The following GLIS1 variants were observed in gnomAD, a reference collection of about 807,000 sequenced individuals.
GLIS1 encodes the protein zinc finger protein GLIS1.
In GLIS1, 24 loss-of-function variants were observed where a neutral mutation model predicts 63.8. The ratio of observed to expected loss-of-function variants is 0.38; its 90% confidence interval spans 0.27 to 0.53. GLIS1 has a LOEUF of 0.53. GLIS1 is among the 20% of genes least tolerant of loss of function. The probability of loss-of-function intolerance (pLI) is 0.85; values close to 1 mark genes in which losing one functional copy is unlikely to be tolerated. For missense variants in GLIS1, 1,036 were observed against 1,074.1 expected, an observed-to-expected ratio of 0.96 and a Z score of 0.50; for synonymous variants, 450 against 482.5, an observed-to-expected ratio of 0.93 and a Z score of 0.88.
At chr1:53,620,326 T>A (rs927791932) in intron 2 of GLIS1, among the ~76,000 whole-genome samples, 4 of 152,208 alleles carry the variant, frequency 2.6e-5, no homozygotes, top group Non-Finnish European at 5.9e-5. Context: ...CATCGCAGTG[T>A]ACCACCTTGA....
chr1:53,608,838 A>G (rs1168032964), intron 2 of GLIS1, among the ~76,000 whole-genome samples: 1 of 152,204 alleles, frequency 6.6e-6, no homozygotes, highest in Non-Finnish European at 1.5e-5. Flanking sequence ...AGAGAGAGAC[A>G]TGTAAGGCAA....
At chr1:53,565,491 T>A (rs866587977) in intron 4 of GLIS1, among the ~76,000 whole-genome samples, 8 of 151,890 alleles carry the variant, frequency 5.3e-5, no homozygotes, top group African/African-American at 9.6e-5. Context: ...TAATTTTTTT[T>A]AAAAAAGAAG....
rs1247022268 is a variant in GLIS1, at chr1:53,509,139, G to A, written c.2211C>T (p.Ser737=). ...PLRPNGYHSL[S]TPLPATGYEA... is the part of the protein sequence containing the mutation. ...GCTCACCTGTGGCAGGCAAGGGCGT[G>A]CTGAGGCTGTGGTAGCCATTGGGCC... Residue 737 remains serine, a synonymous_variant, in exon 10 of 11, where the codon AGC becomes AGT. Coordinates refer to ENST00000628545, the MANE Select transcript of GLIS1 (RefSeq NM_001367484.1). 1 of 1,587,814 alleles carries A rather than the reference G, an allele frequency of 6.3e-7. No homozygotes were observed. Among genetic ancestry groups the A allele is most frequent in the Non-Finnish European group, 8.6e-7 (1 of 1,165,798 alleles).
At chr1:53,556,544 T>TGTGTGCAGGTGTACTGCAGGTGTGC (rs1644830986) in intron 4 of GLIS1, among the ~76,000 whole-genome samples, 1 of 132,928 alleles carries the variant, frequency 7.5e-6, no homozygotes, top group Non-Finnish European at 1.6e-5. Context: ...TGCAGGTGTG[T>TGTGTGCAGGTGTACTGCAGGTGTGC]GTGTGTGCAG....
chr1:53,565,057 T>C (rs374658034), intron 4 of GLIS1, among the ~76,000 whole-genome samples: 3 of 152,124 alleles, frequency 2.0e-5, no homozygotes, highest in East Asian at 3.9e-4. Context: ...GTTCTCCAAT[T>C]ACAGTAAAAT....
intron 4 of GLIS1, among the ~76,000 whole-genome samples, chr1:53,562,558 A>T (rs756715498): frequency 6.6e-6 from 1 of 152,108 alleles, no homozygotes; most frequent in Non-Finnish European, 1.5e-5. Flanking sequence ...TCAGAGCTGC[A>T]ACCCCACCCT....
chr1:53,607,049 G>A (rs746096755), intron 2 of GLIS1, among the ~76,000 whole-genome samples: 7 of 152,154 alleles, frequency 4.6e-5, no homozygotes, highest in Non-Finnish European at 8.8e-5. Context: ...ACAGCCAGGG[G>A]CCAGCTTTTC....
chr1:53,648,265 A>G (rs1433148328), intron 2 of GLIS1, among the ~76,000 whole-genome samples: 1 of 152,218 alleles, frequency 6.6e-6, no homozygotes, highest in Non-Finnish European at 1.5e-5. Flanking sequence ...ATGATGCTCA[A>G]CATCATTAAT....
At position 53,594,484 on chromosome 1, in the gene GLIS1, C is replaced by T. The variant is rs1557469875; in HGVS notation, c.944G>A (p.Arg315Gln). ...TTCCTGCTTCAGGAAGCTCGCCTTC[C>T]GGCAGGCTTCAAGTTGCAAGCTGCC... ...HEGSLQLEAC[R>Q]KASFLKQEPA... is the part of the protein sequence containing the mutation. Residue 315 changes from arginine to glutamine, a missense_variant, in exon 4 of 11, where the codon CGG becomes CAG. Physicochemically the swap from Arg to Gln is conservative, Grantham distance 43 (BLOSUM62 1). Transcript: ENST00000628545. The T allele has an allele frequency of 5.6e-6, 9 of 1,612,898 alleles. No individual in the cohort carries two copies. The highest frequency in any genetic ancestry group is 2.2e-5 in the East Asian group (1 of 44,896).
intron 4 of GLIS1, among the ~76,000 whole-genome samples, chr1:53,581,693 G>A (rs1356415097): frequency 2.0e-5 from 3 of 152,138 alleles, no homozygotes; most frequent in East Asian, 3.9e-4. Context: ...GGTCAGGCTG[G>A]GGCAAGAGCA....
intron 3 of GLIS1, among the ~76,000 whole-genome samples, chr1:53,596,734 C>T (rs1488809883): frequency 6.6e-6 from 1 of 152,122 alleles, no homozygotes; most frequent in African/African-American, 2.4e-5. Flanking sequence ...GCCCGAGCTC[C>T]AGTCATGAGG....
At chr1:53,548,296 A>G (rs1011617315) in intron 4 of GLIS1, among the ~76,000 whole-genome samples, 1 of 152,184 alleles carries the variant, frequency 6.6e-6, no homozygotes, top group Non-Finnish European at 1.5e-5. Context: ...CCTTGCATGC[A>G]CATCTCTAAC....
Position 53,646,942 on chromosome 1 carries a change from A to G in GLIS1, c.260-46664T>C, listed in dbSNP as rs1354922634. ...GAAGGAAGGAAGGAAAGAAGGAAGG[A>G]AAGGGAAGGGAAGGGAAGGAAAGGA... On this transcript the variant is annotated intron_variant, in intron 2 of 10. Coordinates refer to ENST00000628545, the MANE Select transcript of GLIS1 (RefSeq NM_001367484.1). This position sits in a 1 kb window ranked among gnomAD's most constrained non-coding sequence, Gnocchi z 4.2. Among the ~76,000 whole-genome samples the G allele has an allele frequency of 8.8e-6, 1 of 113,926 alleles. No homozygotes were observed. The highest frequency in any genetic ancestry group is 1.8e-5 in the Non-Finnish European group (1 of 54,808). The allele number at this position is 113,926 out of a possible 152,430, so 74.7% of individuals were successfully genotyped here.
At chr1:53,735,839 G>C (rs781180884) in intron 2 of GLIS1, among the ~76,000 whole-genome samples, 11 of 152,156 alleles carry the variant, frequency 7.2e-5, no homozygotes, top group Non-Finnish European at 1.3e-4. Flanking sequence ...CTGGGGGAAA[G>C]CTGGGTTTGT....
intron 2 of GLIS1, among the ~76,000 whole-genome samples, chr1:53,636,786 C>T (rs1645725651): frequency 6.6e-6 from 1 of 152,366 alleles, no homozygotes; most frequent in African/African-American, 2.4e-5. Context: ...GGAGCCCATG[C>T]ACTCACCTGC....
Position 53,646,617 on chromosome 1 carries a change from C to T in GLIS1, c.260-46339G>A, listed in dbSNP as rs1164856823. 6.6e-6 allele frequency among the ~76,000 whole-genome samples: 1 copy of T among 152,058 alleles called. No individual in the cohort carries two copies. The highest frequency in any genetic ancestry group is 2.4e-5 in the African/African-American group (1 of 41,392). The stretch of plus-strand genomic sequence containing the variant: ...TTGAGGTCAGGAGTTTGAGACCAGC[C>T]TGGCCAACATGGTAAAACCCCGTCT... On this transcript the variant is annotated intron_variant, in intron 2 of 10. Coordinates refer to ENST00000628545, the MANE Select transcript of GLIS1 (RefSeq NM_001367484.1). This position sits in a 1 kb window ranked among gnomAD's most constrained non-coding sequence, Gnocchi z 4.2.
intron 2 of GLIS1, among the ~76,000 whole-genome samples, chr1:53,654,530 G>C (rs1478690558): frequency 6.6e-6 from 1 of 152,168 alleles, no homozygotes; most frequent in Non-Finnish European, 1.5e-5. Context: ...TCAACAAATG[G>C]GCGTTCTTCA....
Position 53,594,311 on chromosome 1 carries a change from G to T in GLIS1, c.1117C>A (p.Arg373Ser), listed in dbSNP as rs375343014. 1 of 1,612,120 alleles carries T rather than the reference G, an allele frequency of 6.2e-7. No homozygotes were observed. The highest frequency in any genetic ancestry group is 1.3e-5 in the African/African-American group (1 of 74,920). Reference protein sequence around the residue: ...GRVVAGRQACRWVDCCAAYEQ... With the variant: ...GRVVAGRQACSWVDCCAAYEQ... ...TAGGCTGCACAGCAGTCCACCCAGC[G>T]GCACGCCTGCCGCCCGGCCACCACC... The change falls in exon 4 of 11, where the codon CGC becomes AGC. Residue 373 changes from arginine (R) to serine (S), a missense_variant. Physicochemically the swap from Arg to Ser is moderately radical, Grantham distance 110 (BLOSUM62 -1). Transcript: ENST00000628545.
At chr1:53,538,051 C>T (rs370275950) in intron 4 of GLIS1, among the ~76,000 whole-genome samples, 14 of 152,372 alleles carry the variant, frequency 9.2e-5, no homozygotes, top group South Asian at 8.3e-4. Flanking sequence ...GGCCGCTCCT[C>T]GCTCCTGCAC....
Sources: allele counts gnomAD v4.1 joint callset (sites outside exome capture counted in the v4.1 genomes callset), GRCh38; gene constraint gnomAD v4.1.1; non-coding constraint Gnocchi (gnomAD v3.1); transcripts MANE v1.5; gene names NCBI Gene and HGNC (gene_info 2026-07-23, HGNC 2026-07-21).